MCU: variants seen among roughly 807,000 people sequenced by gnomAD.
The protein encoded by MCU is mitochondrial calcium uniporter.
A neutral mutation model predicts 45.2 loss-of-function variants in MCU; 12 were observed. That is an observed-to-expected ratio of 0.27 (90% CI 0.17 to 0.43). The LOEUF is 0.43. Ranked by LOEUF, MCU falls within the 20% of genes least tolerant of loss-of-function variation. The pLI, the probability that MCU is intolerant of heterozygous loss-of-function variation, is 1.00. For missense variants in MCU, 324 were observed against 436.7 expected, an observed-to-expected ratio of 0.74 and a Z score of 2.30; for synonymous variants, 160 against 165.1, an observed-to-expected ratio of 0.97 and a Z score of 0.24.
chr10:72,871,442 C>G lies in MCU; in HGVS notation c.723C>G (p.Ala241=), dbSNP rs1434545909. The G allele has an allele frequency of 6.2e-7, 1 of 1,614,160 alleles. No individual in the cohort carries two copies. The highest frequency in any genetic ancestry group is 1.1e-5 in the South Asian group (1 of 91,086). The change falls in exon 6 of 8, where the codon GCC becomes GCG. Residue 241 remains alanine (A), a synonymous_variant. Transcript: ENST00000373053. The part of the protein sequence containing the change: ...RTTLVLWGGL[A]YMATQFGILA... ...CTTTGGTGCTATGGGGTGGCCTTGC[C>G]TACATGGCCACACAGTTTGGCATTT...
At chr10:72,802,707 A>G (rs1237926445) in intron 1 of MCU, among the ~76,000 whole-genome samples, 1 of 152,240 alleles carries the variant, frequency 6.6e-6, no homozygotes, top group Non-Finnish European at 1.5e-5. Flanking sequence ...CCTTTGTATA[A>G]TCCTTAAAGC....
At chr10:72,846,914 C>G (rs968641436) in intron 2 of MCU, among the ~76,000 whole-genome samples, 1 of 152,180 alleles carries the variant, frequency 6.6e-6, no homozygotes, top group South Asian at 2.1e-4. Context: ...ATCTTAGATC[C>G]AGGGAAACTT....
At chr10:72,871,250 T>A (rs1178460143) in intron 5 of MCU, 127 bp from the exon 6 acceptor site, 3 of 819,108 alleles carry the variant, frequency 3.7e-6, no homozygotes, top group Non-Finnish European at 6.1e-6. Flanking sequence ...GAAGACAAGC[T>A]ATATTTACTA....
chr10:72,782,834 T>A (rs1397929760), intron 1 of MCU, among the ~76,000 whole-genome samples: 2 of 152,206 alleles, frequency 1.3e-5, no homozygotes, highest in African/African-American at 4.8e-5. Flanking sequence ...GCCAGTAGCT[T>A]CAGAAGTTAT....
chr10:72,698,565 C>T (rs180714239), intron 1 of MCU, among the ~76,000 whole-genome samples: 65 of 152,214 alleles, frequency 4.3e-4, no homozygotes, highest in African/African-American at 1.5e-3. Context: ...AGTGCAGTGG[C>T]GCAATCTTGG....
intron 1 of MCU, among the ~76,000 whole-genome samples, chr10:72,725,448 G>A (rs11000401): frequency 8.2e-3 from 1 of 122 alleles, no homozygotes; most frequent in African/African-American, 0.038. Context: ...ATTTAAAAAT[G>A]TTTTTTATGG....
intron 1 of MCU, among the ~76,000 whole-genome samples, chr10:72,698,171 C>T (rs1010912680): frequency 4.6e-5 from 7 of 152,034 alleles, no homozygotes; most frequent in Non-Finnish European, 8.8e-5. Context: ...TTTCTAAGTC[C>T]CAAGTGGCTT....
At chr10:72,844,739 T>C (rs1422290976) in intron 2 of MCU, among the ~76,000 whole-genome samples, 1 of 152,206 alleles carries the variant, frequency 6.6e-6, no homozygotes, top group African/African-American at 2.4e-5. Context: ...TTTGGAATTA[T>C]CCTTAGGAAT....
chr10:72,779,358 T>C (rs1315270565), intron 1 of MCU, among the ~76,000 whole-genome samples: 2 of 152,200 alleles, frequency 1.3e-5, no homozygotes, highest in Non-Finnish European at 2.9e-5. Flanking sequence ...TAAACCTTCA[T>C]GGTCTTGGTC....
chr10:72,732,507 G>T (rs1229888863), intron 1 of MCU, among the ~76,000 whole-genome samples: 1 of 152,152 alleles, frequency 6.6e-6, no homozygotes, highest in African/African-American at 2.4e-5. Flanking sequence ...ATATGTGAAA[G>T]AAATTATAAA....
chr10:72,708,457 C>T (rs1842850741), intron 1 of MCU: 1 of 152,170 alleles, frequency 6.6e-6, no homozygotes, highest in African/African-American at 2.4e-5. Context: ...TGTAGTAACA[C>T]TATAGGAATC....
chr10:72,694,663 G>T (rs1842664612), intron 1 of MCU, among the ~76,000 whole-genome samples: 1 of 152,208 alleles, frequency 6.6e-6, no homozygotes, highest in Non-Finnish European at 1.5e-5. Flanking sequence ...GACATCCTGT[G>T]TATGTGCAGC....
chr10:72,805,163 C>CTTTCTTTCTTTCTTTT (rs1187966928), intron 1 of MCU, among the ~76,000 whole-genome samples: 1 of 134,672 alleles, frequency 7.4e-6, no homozygotes, highest in South Asian at 2.2e-4. Context: ...TTCTTTCTGT[C>CTTTCTTTCTTTCTTTT]TCTCTCTCTC....
intron 1 of MCU, among the ~76,000 whole-genome samples, chr10:72,745,968 T>C (rs1355548036): frequency 6.6e-6 from 1 of 152,178 alleles, no homozygotes; most frequent in Non-Finnish European, 1.5e-5. Flanking sequence ...AACATCTTCA[T>C]TATTCTGTAC....
intron 1 of MCU, among the ~76,000 whole-genome samples, chr10:72,816,779 G>T (rs1844633899): frequency 6.6e-6 from 1 of 152,090 alleles, no homozygotes; most frequent in South Asian, 2.1e-4. Flanking sequence ...ACAAAAACTA[G>T]TACATAATCT....
In MCU at chr10:72,799,612, A is replaced by G. The variant is rs558487072; in HGVS notation, c.151-34747A>G. On this transcript the variant is annotated intron_variant, in intron 1 of 7. Coordinates refer to ENST00000373053, the MANE Select transcript of MCU (RefSeq NM_138357.3). ...GCAGGGATTACAGGTACATGCCACT[A>G]TGCCCAACTCAGAACATTTTTTGTA... Among the ~76,000 whole-genome samples the G allele has an allele frequency of 1.6e-4, 24 of 152,170 alleles. No homozygotes were observed. The South Asian group carries it at 4.8e-3, about 30-fold the overall frequency.
chr10:72,859,480 T>G, intron 3 of MCU, 133 bp downstream of exon 3: 1 of 686,112 alleles, frequency 1.5e-6, no homozygotes, highest in South Asian at 2.4e-5. Flanking sequence ...TTTTTTCTTT[T>G]GCTTAGCACT....
At chr10:72,825,060 C>CT (rs1031115650) in intron 1 of MCU, among the ~76,000 whole-genome samples, 13 of 152,154 alleles carry the variant, frequency 8.5e-5, no homozygotes, top group African/African-American at 3.1e-4. Context: ...CTGTACTGAT[C>CT]TTTTTTTATT....
At chr10:72,746,182 A>G (rs1018493397) in intron 1 of MCU, among the ~76,000 whole-genome samples, 1 of 152,218 alleles carries the variant, frequency 6.6e-6, no homozygotes, top group African/African-American at 2.4e-5. Context: ...AACTATAGTT[A>G]TAGTATTCGA....
Sources: allele counts gnomAD v4.1 joint callset (sites outside exome capture counted in the v4.1 genomes callset), GRCh38; gene constraint gnomAD v4.1.1; transcripts MANE v1.5; gene names NCBI Gene and HGNC (gene_info 2026-07-23, HGNC 2026-07-21).